The following CASP10 variants were observed in gnomAD, a reference collection of about 807,000 sequenced individuals.
CASP10 encodes caspase 10.
A neutral mutation model predicts 48.5 loss-of-function variants in CASP10; 41 were observed. That is an observed-to-expected ratio of 0.85 (90% CI 0.66 to 1.10). The LOEUF is 1.10. Ranked by LOEUF, CASP10 falls within the 50% of genes least tolerant of loss-of-function variation. The probability of loss-of-function intolerance (pLI) is 0.00; values close to 1 mark genes in which losing one functional copy is unlikely to be tolerated. For synonymous variants in CASP10, 232 were observed against 238.4 expected (o/e 0.97, Z 0.25); for missense variants, 614 against 614.5 (o/e 1.00, Z 0.01).
intron 9 of CASP10, among the ~76,000 whole-genome samples, chr2:201,216,913 A>C (rs1172729961): frequency 6.6e-6 from 1 of 152,208 alleles, no homozygotes; most frequent in African/African-American, 2.4e-5. Context: ...CTGCAAGCCC[A>C]GGCTCAAATG....
chr2:201,197,926 C>G (rs913635040), intron 5 of CASP10, among the ~76,000 whole-genome samples: 1 of 152,022 alleles, frequency 6.6e-6, no homozygotes, highest in African/African-American at 2.4e-5. Context: ...TTTTGAGGAA[C>G]CTTCATTCTA....
At chr2:201,222,255 C>A (rs1945735229), downstream of CASP10, among the ~76,000 whole-genome samples, 2 of 145,678 alleles carry the variant, frequency 1.4e-5, no homozygotes, top group South Asian at 2.1e-4. Context: ...CTCGCTCTCT[C>A]ACCCAGGCTA....
rs552568760 is a variant in CASP10 at position 201,199,643 on chromosome 2, C to T, written c.684+3695C>T. ...AGGCTGAAGTACAGTGGCATGATCT[C>T]GGCTCACTATAACCTCCACCTCCCA... On this transcript the variant is annotated intron_variant, in intron 5 of 9. Transcript: ENST00000286186. Among the ~76,000 whole-genome samples the T allele has an allele frequency of 9.3e-5, 13 of 140,022 alleles. No individual in the cohort carries two copies. The South Asian group carries it at 2.5e-3, about 27-fold the overall frequency. The allele number at this position is 140,022 out of a possible 152,430, so 91.9% of individuals were successfully genotyped here. A position where few individuals can be genotyped will look rare whatever the true frequency, so the allele number is the denominator to read the frequency against.
intron 1 of CASP10, among the ~76,000 whole-genome samples, chr2:201,184,813 T>C (rs1447350311): frequency 6.6e-6 from 1 of 152,160 alleles, no homozygotes; most frequent in Non-Finnish European, 1.5e-5. Flanking sequence ...GATGGAAACA[T>C]TGACTCATGT....
chr2:201,219,542 C>T lies in CASP10; in HGVS notation c.*1801C>T. On this transcript the variant is annotated 3_prime_UTR_variant, in exon 10 of 10. Coordinates refer to ENST00000286186, the MANE Select transcript of CASP10 (RefSeq NM_032977.4). ...TGCTACTACACTTTGCTCCTCTGGC[C>T]CAAGGCATGAGGAGAGAGGCTGTGT... is the stretch of plus-strand genomic sequence containing the variant. The T allele has an allele frequency of 1.0e-6, 1 of 985,360 alleles. No homozygotes were observed. Among genetic ancestry groups the T allele is most frequent in the Non-Finnish European group, 1.2e-6 (1 of 829,962 alleles). The allele number at this position is 985,360 out of a possible 1,614,324, so 61.0% of individuals were successfully genotyped here.
chr2:201,188,678 C>T (rs143840713), intron 3 of CASP10, among the ~76,000 whole-genome samples: 37 of 152,250 alleles, frequency 2.4e-4, no homozygotes, highest in African/African-American at 8.7e-4. Context: ...TCTGCATTTC[C>T]TGCAGACTGG....
At chr2:201,199,515 A>G (rs1576101206) in intron 5 of CASP10, among the ~76,000 whole-genome samples, 1 of 151,476 alleles carries the variant, frequency 6.6e-6, no homozygotes, top group African/African-American at 2.4e-5. Flanking sequence ...AAAATACAAT[A>G]TAATACAATA....
Position 201,218,814 on chromosome 2 carries a change from G to T in CASP10, c.*1073G>T, listed in dbSNP as rs1481722213. 1 of 985,334 alleles carries T rather than the reference G, an allele frequency of 1.0e-6. No individual in the cohort carries two copies. Among genetic ancestry groups the T allele is most frequent in the Non-Finnish European group, 1.2e-6 (1 of 829,974 alleles). The allele number at this position is 985,334 out of a possible 1,614,324, so 61.0% of individuals were successfully genotyped here. ...GACTTCTCTTTTGCACATCTAGTGA[G>T]GTGAAAATTTGGTCTATGCCAGGCC... On this transcript the variant is annotated 3_prime_UTR_variant, in exon 10 of 10. Coordinates refer to ENST00000286186, the MANE Select transcript of CASP10 (RefSeq NM_032977.4).
chr2:201,203,986 G>T (rs1304784313), intron 6 of CASP10, among the ~76,000 whole-genome samples: 1 of 152,224 alleles, frequency 6.6e-6, no homozygotes, highest in Admixed American at 6.5e-5. Context: ...TGCTCTGAAT[G>T]CCTAGTATAG....
intron 9 of CASP10, chr2:201,213,793 C>T (rs1018303948): frequency 1.5e-4 from 23 of 152,076 alleles, no homozygotes; most frequent in African/African-American, 5.1e-4. Context: ...ATGTGGCTTA[C>T]GGAGGAATGT....
chr2:201,198,537 T>A (rs1207376125), intron 5 of CASP10, among the ~76,000 whole-genome samples: 1 of 114,962 alleles, frequency 8.7e-6, no homozygotes, highest in Non-Finnish European at 1.8e-5. Context: ...TATTTTTTAA[T>A]TCTTTTTTTT....
chr2:201,184,830 T>G (rs77470247), intron 1 of CASP10, among the ~76,000 whole-genome samples: 3 of 150,552 alleles, frequency 2.0e-5, no homozygotes, highest in East Asian at 1.9e-4. Flanking sequence ...ATGTAATTTG[T>G]TTTTTTTTAG....
chr2:201,187,893 T>C, intron 3 of CASP10, 94 bp downstream of exon 3: 1 of 901,806 alleles, frequency 1.1e-6, no homozygotes, highest in Non-Finnish European at 1.8e-6. Context: ...ATTTATTTTT[T>C]ATGGGAGACA....
downstream of CASP10, among the ~76,000 whole-genome samples, chr2:201,225,953 G>T (rs909980449): frequency 6.6e-6 from 1 of 152,184 alleles, no homozygotes; most frequent in Non-Finnish European, 1.5e-5. Context: ...GTGATAGAGT[G>T]AGACTCTGTC....
At position 201,217,623 on chromosome 2, in the gene CASP10, A is replaced by G. The variant is rs780612332; in HGVS notation, c.1451A>G (p.Asn484Ser). 3.1e-6 allele frequency: 5 copies of G among 1,614,194 alleles called. No individual in the cohort carries two copies. Among genetic ancestry groups the G allele is most frequent in the Non-Finnish European group, 2.5e-6 (3 of 1,179,998 alleles). ...EDILSILTAV[N>S]DDVSRRVDKQ... The stretch of plus-strand genomic sequence containing the variant: ...ATCTTATCCATCCTCACTGCTGTCA[A>G]CGATGATGTGAGTCGAAGAGTGGAC... The change falls in exon 10 of 10, where the codon AAC (asparagine) becomes AGC (serine). Residue 484 changes from asparagine (N) to serine (S), a missense_variant. Coordinates refer to ENST00000286186, the MANE Select transcript of CASP10 (RefSeq NM_032977.4).
chr2:201,199,186 G>A (rs534752498), intron 5 of CASP10, among the ~76,000 whole-genome samples: 1 of 151,980 alleles, frequency 6.6e-6, no homozygotes, highest in Non-Finnish European at 1.5e-5. Context: ...CTAATAATAA[G>A]GATATTCTTT....
intron 4 of CASP10, among the ~76,000 whole-genome samples, chr2:201,195,351 C>T (rs1239585905): frequency 2.0e-5 from 3 of 151,770 alleles, no homozygotes; most frequent in South Asian, 2.1e-4. Flanking sequence ...GGATTACAGG[C>T]GTGAGCCACT....
intron 2 of CASP10, 174 bp downstream of exon 2, chr2:201,186,298 T>C (rs556811894): frequency 4.9e-6 from 3 of 617,010 alleles, no homozygotes; most frequent in Non-Finnish European, 8.7e-6. Flanking sequence ...AGATAAGAGT[T>C]GGGAGGTCAG....
rs1187641048 is a variant in CASP10, at chr2:201,218,647, G to A, written c.*906G>A. ...AGGTTCCTTGGTGTTCAAAAACCAC[G>A]TTCTTAGCCTAGATTGAGCTTAGAT... is the stretch of plus-strand genomic sequence containing the variant. On this transcript the variant is annotated 3_prime_UTR_variant, in exon 10 of 10. Transcript: ENST00000286186. 10 of 985,384 alleles carry A rather than the reference G, an allele frequency of 1.0e-5. No individual in the cohort carries two copies. The highest frequency in any genetic ancestry group is 2.3e-4 in the East Asian group (2 of 8,802). The allele number at this position is 985,384 out of a possible 1,614,324, so 61.0% of individuals were successfully genotyped here. A position where few individuals can be genotyped will look rare whatever the true frequency, so the allele number is the denominator to read the frequency against.
Sources: allele counts gnomAD v4.1 joint callset (sites outside exome capture counted in the v4.1 genomes callset), GRCh38; gene constraint gnomAD v4.1.1; transcripts MANE v1.5; gene names NCBI Gene and HGNC (gene_info 2026-07-23, HGNC 2026-07-21).